The following COL24A1 variants were observed in gnomAD, a reference collection of about 807,000 sequenced individuals.
COL24A1 encodes collagen alpha-1(XXIV) chain.
A neutral mutation model predicts 253.9 loss-of-function variants in COL24A1; 224 were observed. The ratio of observed to expected loss-of-function variants is 0.88; its 90% confidence interval spans 0.79 to 0.99. The LOEUF (loss-of-function observed/expected upper bound fraction) is 0.99. Among genes scored for constraint, COL24A1 ranks in the 50% least tolerant of loss-of-function variants. COL24A1 has a pLI of 0.00. For synonymous variants in COL24A1, 685 were observed against 673.7 expected, an observed-to-expected ratio of 1.02 and a Z score of -0.26; for missense variants, 2,131 against 2,068.5, an observed-to-expected ratio of 1.03 and a Z score of -0.59.
chr1:86,108,162 CT>C (rs1705182131), intron 5 of COL24A1, among the ~76,000 whole-genome samples: 1 of 151,990 alleles, frequency 6.6e-6, no homozygotes, highest in Admixed American at 6.6e-5. Context: ...TTTAAAAACA[CT>C]GTTTTTAATA....
At chr1:85,754,550 T>TAAAAAAAAAAAAAAAAAA (rs34069021) in intron 55 of COL24A1, among the ~76,000 whole-genome samples, 4 of 110,996 alleles carry the variant, frequency 3.6e-5, no homozygotes, top group Admixed American at 9.7e-5. Context: ...AAAAAAAAAT[T>TAAAAAAAAAAAAAAAAAA]AAAAAAAAAA....
intron 8 of COL24A1, 104 bp downstream of exon 8, chr1:86,063,611 T>G (rs564703586): frequency 5.5e-6 from 4 of 728,418 alleles, no homozygotes; most frequent in African/African-American, 5.4e-5. Context: ...AAAAAATCAC[T>G]GAGAAGAAAA....
intron 34 of COL24A1, 57 bp downstream of exon 34, chr1:85,875,220 T>C: frequency 7.0e-7 from 1 of 1,435,062 alleles, no homozygotes; most frequent in Non-Finnish European, 9.8e-7. Flanking sequence ...TGGTAGCAAA[T>C]GTAGGGGGTT....
At chr1:85,994,496 G>A (rs1694585197) in intron 19 of COL24A1, among the ~76,000 whole-genome samples, 1 of 151,788 alleles carries the variant, frequency 6.6e-6, no homozygotes, top group African/African-American at 2.4e-5. Context: ...TGCAGAGGGA[G>A]AGAGGTTTTG....
chr1:86,027,382 A>G (rs945839584), intron 14 of COL24A1, among the ~76,000 whole-genome samples: 10 of 152,120 alleles, frequency 6.6e-5, no homozygotes, highest in Non-Finnish European at 1.0e-4. Context: ...GGAGAAAAAA[A>G]AGGTTTTTGG....
intron 24 of COL24A1, among the ~76,000 whole-genome samples, chr1:85,919,744 G>A (rs1017988134): frequency 2.0e-5 from 3 of 152,126 alleles, no homozygotes; most frequent in Admixed American, 6.6e-5. Context: ...TAATCAACTT[G>A]TAGGGGAGAG....
intron 20 of COL24A1, among the ~76,000 whole-genome samples, chr1:85,982,014 A>G (rs1393055071): frequency 6.6e-6 from 1 of 152,160 alleles, no homozygotes; most frequent in Non-Finnish European, 1.5e-5. Context: ...GGTGTCAACA[A>G]CCCAAATGTT....
At chr1:85,989,363 C>T (rs764256296) in intron 19 of COL24A1, among the ~76,000 whole-genome samples, 67 of 151,966 alleles carry the variant, frequency 4.4e-4, no homozygotes, top group Non-Finnish European at 2.2e-4. Context: ...ACTTATTTTT[C>T]CCTCCCCACC....
At chr1:85,925,304 C>G (rs967891957) in intron 24 of COL24A1, among the ~76,000 whole-genome samples, 9 of 152,076 alleles carry the variant, frequency 5.9e-5, no homozygotes, top group Admixed American at 3.3e-4. Flanking sequence ...ACTTTCTTCA[C>G]GGAATTGGAA....
intron 20 of COL24A1, among the ~76,000 whole-genome samples, chr1:85,975,408 A>T (rs565196594): frequency 2.0e-5 from 3 of 152,336 alleles, no homozygotes; most frequent in Admixed American, 2.0e-4. Context: ...GTAGTATATT[A>T]TACACAATGG....
intron 31 of COL24A1, among the ~76,000 whole-genome samples, chr1:85,895,545 T>C (rs1483476513): frequency 6.6e-6 from 1 of 152,202 alleles, no homozygotes; most frequent in East Asian, 1.9e-4. Flanking sequence ...CAGTTATGGA[T>C]AGGTACAACC....
At chr1:86,142,249 C>T (rs1651213217) in intron 2 of COL24A1, among the ~76,000 whole-genome samples, 1 of 151,646 alleles carries the variant, frequency 6.6e-6, no homozygotes, top group Admixed American at 6.6e-5. Context: ...AGAGGCCAGG[C>T]GCTGTGGCTC....
intron 43 of COL24A1, among the ~76,000 whole-genome samples, chr1:85,835,880 T>G (rs1427021490): frequency 6.6e-6 from 1 of 152,092 alleles, no homozygotes; most frequent in Non-Finnish European, 1.5e-5. Context: ...CTCGGAATAT[T>G]GAATATTTTA....
At position 86,125,469 on chromosome 1, in the gene COL24A1, G is replaced by C; in HGVS notation, c.867C>G (p.Ser289Arg). ...AATCATTTTTTATGATATTTGGAAT[G>C]CTTTTGCCTTCAGTAAATGTATCCT... is the stretch of plus-strand genomic sequence containing the variant. The part of the protein sequence containing the change: ...LSEDTFTEGK[S>R]IPNIIKNDSE... The change falls in exon 3 of 60, where the codon AGC becomes AGG. Residue 289 changes from serine (S) to arginine (R), a missense_variant. Physicochemically the swap from Ser to Arg is moderately radical, Grantham distance 110. Coordinates refer to ENST00000370571, the MANE Select transcript of COL24A1 (RefSeq NM_152890.7). 6.2e-7 allele frequency: 1 copy of C among 1,613,604 alleles called. No individual in the cohort carries two copies.
intron 7 of COL24A1, among the ~76,000 whole-genome samples, chr1:86,086,402 C>T (rs1280144554): frequency 6.6e-6 from 1 of 152,116 alleles, no homozygotes; most frequent in Non-Finnish European, 1.5e-5. Flanking sequence ...CCACCCCTGA[C>T]AAAGCCTCAC....
intron 5 of COL24A1, among the ~76,000 whole-genome samples, chr1:86,105,560 C>T (rs1366271868): frequency 2.0e-5 from 3 of 152,266 alleles, no homozygotes; most frequent in South Asian, 4.1e-4. Flanking sequence ...ATAGGGAAGA[C>T]CACCCTGCAG....
At chr1:86,146,631 A>G (rs1261436711) in intron 1 of COL24A1, among the ~76,000 whole-genome samples, 1 of 151,954 alleles carries the variant, frequency 6.6e-6, no homozygotes, top group Non-Finnish European at 1.5e-5. Context: ...GCTTAACTAT[A>G]GTGATTATAA....
chr1:85,937,184 G>A (rs1688318290), intron 24 of COL24A1, among the ~76,000 whole-genome samples: 1 of 147,792 alleles, frequency 6.8e-6, no homozygotes, highest in African/African-American at 2.5e-5. Context: ...GCAAACTGAA[G>A]ATGGATGGCA....
At chr1:85,841,886 T>A in intron 41 of COL24A1, among the ~76,000 whole-genome samples, 182 bp downstream of exon 41, 1 of 152,210 alleles carries the variant, frequency 6.6e-6, no homozygotes, top group South Asian at 2.1e-4. Context: ...ATGGAAGATA[T>A]TTTAATAATT....
Sources: gnomAD v4.1 joint callset for allele counts (sites outside exome capture counted in the v4.1 genomes callset) on GRCh38, gnomAD v4.1.1 for gene constraint, MANE v1.5 for transcripts, NCBI Gene and HGNC (gene_info 2026-07-23, HGNC 2026-07-21) for gene names.